The following EEF1AKMT1 variants were observed in gnomAD, a reference collection of about 807,000 sequenced individuals.
EEF1AKMT1 encodes the protein EEF1A lysine methyltransferase 1.
EEF1AKMT1 carries 18 observed loss-of-function variants against 21.0 expected under a neutral mutation model. That is an observed-to-expected ratio of 0.86 (90% CI 0.59 to 1.27). EEF1AKMT1 has a LOEUF of 1.27. Among genes scored for constraint, EEF1AKMT1 ranks in the 50% most tolerant of loss-of-function variants. The probability of loss-of-function intolerance (pLI) is 0.00; values close to 1 mark genes in which losing one functional copy is unlikely to be tolerated. For synonymous variants in EEF1AKMT1, 109 were observed against 94.8 expected (o/e 1.15, Z -0.87); for missense variants, 246 against 258.6 (o/e 0.95, Z 0.33).
chr13:20,755,734 G>A, intron 2 of EEF1AKMT1, among the ~76,000 whole-genome samples: 1 of 152,128 alleles, frequency 6.6e-6, no homozygotes, highest in East Asian at 1.9e-4. Context: ...AGACATCATG[G>A]CTAAATCTTG....
intron 1 of EEF1AKMT1, among the ~76,000 whole-genome samples, chr13:20,763,033 C>T (rs1008059804): frequency 6.6e-6 from 1 of 152,130 alleles, no homozygotes; most frequent in South Asian, 2.1e-4. Context: ...TTATGTATTG[C>T]TAAATCATAT....
chr13:20,761,499 AT>A (rs2059001436), intron 1 of EEF1AKMT1, among the ~76,000 whole-genome samples: 1 of 152,232 alleles, frequency 6.6e-6, no homozygotes, highest in South Asian at 2.1e-4. Flanking sequence ...ATTTTAAGGT[AT>A]TACAAATAGA....
At chr13:20,738,208 G>A (rs1201818184) in intron 2 of EEF1AKMT1, among the ~76,000 whole-genome samples, 1 of 152,220 alleles carries the variant, frequency 6.6e-6, no homozygotes, top group Non-Finnish European at 1.5e-5. Flanking sequence ...ATGGAAGAAT[G>A]AGTTCACTAA....
chr13:20,732,483 A>C (rs1423698770), intron 3 of EEF1AKMT1, among the ~76,000 whole-genome samples: 1 of 151,952 alleles, frequency 6.6e-6, no homozygotes, highest in African/African-American at 2.4e-5. Flanking sequence ...GGCACGCGCC[A>C]CTGCGCCTGG....
rs2058799819 is a variant in EEF1AKMT1 at position 20,731,987 on chromosome 13, T to C, written c.362A>G (p.Asn121Ser). ...TCTTTCGGGTAAGTCCAATGGATTATTGTAATCATAGAAAATAAACTCCTC... is the reference window on the plus strand; with the variant it reads ...TCTTTCGGGTAAGTCCAATGGATTACTGTAATCATAGAAAATAAACTCCTC... ...YGEEFIFYDY[N>S]NPLDLPERIA... The change falls in exon 4 of 5, where the codon AAT (asparagine) becomes AGT (serine). Residue 121 changes from asparagine (N) to serine (S), a missense_variant. Asn to Ser is a conservative substitution (Grantham distance 46). Coordinates refer to ENST00000382758, the MANE Select transcript of EEF1AKMT1 (RefSeq NM_001318939.2). 6.8e-6 allele frequency: 11 copies of C among 1,614,244 alleles called. No individual in the cohort carries two copies. Among genetic ancestry groups the C allele is most frequent in the African/African-American group, 1.3e-5 (1 of 75,056 alleles).
chr13:20,764,855 A>G (rs2059018991), intron 1 of EEF1AKMT1, among the ~76,000 whole-genome samples: 1 of 147,824 alleles, frequency 6.8e-6, no homozygotes, highest in South Asian at 2.1e-4. Context: ...TCTATGGCAT[A>G]TATTTTCCCC....
chr13:20,744,467 CA>C (rs1262535549), intron 2 of EEF1AKMT1, among the ~76,000 whole-genome samples: 4 of 152,196 alleles, frequency 2.6e-5, no homozygotes, highest in African/African-American at 7.2e-5. Flanking sequence ...GTTTATCAGT[CA>C]CATAAATGTC....
At chr13:20,750,799 C>T (rs2058936078) in intron 2 of EEF1AKMT1, among the ~76,000 whole-genome samples, 2 of 152,142 alleles carry the variant, frequency 1.3e-5, no homozygotes, top group South Asian at 2.1e-4. Context: ...TTTACATTCC[C>T]ACCAACGGTG....
chr13:20,744,598 G>A (rs1440805652), intron 2 of EEF1AKMT1, among the ~76,000 whole-genome samples: 1 of 152,148 alleles, frequency 6.6e-6, no homozygotes, highest in Non-Finnish European at 1.5e-5. Flanking sequence ...TTTGTCAGAT[G>A]AGTAGATTGC....
intron 2 of EEF1AKMT1, among the ~76,000 whole-genome samples, chr13:20,739,045 A>T (rs377010146): frequency 1.3e-5 from 2 of 152,138 alleles, no homozygotes; most frequent in African/African-American, 2.4e-5. Flanking sequence ...ACGTATTCAA[A>T]GTTTCTTCCT....
chr13:20,739,926 T>G (rs1376111476), intron 2 of EEF1AKMT1, among the ~76,000 whole-genome samples: 1 of 152,246 alleles, frequency 6.6e-6, no homozygotes, highest in Admixed American at 6.5e-5. Flanking sequence ...CCATGCCATG[T>G]GCCAGTGCTT....
intron 2 of EEF1AKMT1, among the ~76,000 whole-genome samples, chr13:20,754,272 C>T (rs74036434): frequency 4.7e-5 from 7 of 149,554 alleles, no homozygotes; most frequent in African/African-American, 4.9e-5. Context: ...GTTTTTTTTT[C>T]TTTTTTTTTC....
chr13:20,740,000 G>A (rs2141417717), intron 2 of EEF1AKMT1, among the ~76,000 whole-genome samples: 1 of 152,368 alleles, frequency 6.6e-6, no homozygotes, highest in Non-Finnish European at 1.5e-5. Context: ...CGTCAGGGAG[G>A]CTCAGGCTGC....
chr13:20,749,574 G>C (rs990905719), intron 2 of EEF1AKMT1, among the ~76,000 whole-genome samples: 1 of 152,134 alleles, frequency 6.6e-6, no homozygotes, highest in Non-Finnish European at 1.5e-5. Flanking sequence ...TAGTTTAGCT[G>C]GGTATAGAAT....
intron 2 of EEF1AKMT1, among the ~76,000 whole-genome samples, chr13:20,752,386 T>C (rs1829180609): frequency 6.6e-6 from 1 of 152,154 alleles, no homozygotes; most frequent in South Asian, 2.1e-4. Context: ...ATGCTTTTTC[T>C]GCAGCTATTG....
At chr13:20,773,072 A>G (rs2059070148) in intron 1 of EEF1AKMT1, among the ~76,000 whole-genome samples, 1 of 152,176 alleles carries the variant, frequency 6.6e-6, no homozygotes, top group Admixed American at 6.5e-5. Flanking sequence ...CGTCCAGAAA[A>G]GGGCCAAAGG....
At chr13:20,750,552 C>T (rs2058934897) in intron 2 of EEF1AKMT1, among the ~76,000 whole-genome samples, 1 of 152,174 alleles carries the variant, frequency 6.6e-6, no homozygotes. Flanking sequence ...AACAGTATTC[C>T]ATTGTGTATA....
intron 1 of EEF1AKMT1, among the ~76,000 whole-genome samples, chr13:20,766,440 A>G (rs893110171): frequency 6.6e-6 from 1 of 152,206 alleles, no homozygotes; most frequent in Non-Finnish European, 1.5e-5. Context: ...TATTCACTAC[A>G]TAGCAGTGAA....
intron 2 of EEF1AKMT1, among the ~76,000 whole-genome samples, chr13:20,746,793 T>C (rs9509363): frequency 0.37 from 56,077 of 152,160 alleles, 12,475 homozygotes; most frequent in Non-Finnish European, 0.5. Flanking sequence ...GGAATAAGAA[T>C]GACAGTAACA....
Sources: gnomAD v4.1 joint callset for allele counts (sites outside exome capture counted in the v4.1 genomes callset) on GRCh38, gnomAD v4.1.1 for gene constraint, MANE v1.5 for transcripts, NCBI Gene and HGNC (gene_info 2026-07-23, HGNC 2026-07-21) for gene names.